KMT5B: variants seen among roughly 807,000 people sequenced by gnomAD.
KMT5B encodes lysine methyltransferase 5B.
KMT5B carries 10 observed loss-of-function variants against 83.2 expected under a neutral mutation model. The ratio of observed to expected loss-of-function variants is 0.12; its 90% CI spans 0.07 to 0.20. KMT5B has a LOEUF of 0.20. KMT5B is among the 10% of genes least tolerant of loss of function. The probability of loss-of-function intolerance (pLI) is 1.00; values close to 1 mark genes in which losing one functional copy is unlikely to be tolerated. For synonymous variants in KMT5B, 349 were observed against 388.8 expected (o/e 0.90, Z 1.20); for missense variants, 753 against 1,067.2 (o/e 0.71, Z 4.10).
chr11:68,163,439 T>C (rs1024928034), intron 10 of KMT5B, among the ~76,000 whole-genome samples: 5 of 152,206 alleles, frequency 3.3e-5, no homozygotes, highest in Non-Finnish European at 5.9e-5. Flanking sequence ...ATTATGGTGT[T>C]GGCCTCAACT....
intron 1 of KMT5B, among the ~76,000 whole-genome samples, chr11:68,204,731 C>T (rs1351551658): frequency 1.3e-5 from 2 of 151,466 alleles, no homozygotes; most frequent in Middle Eastern, 3.4e-3. Context: ...TTTCTCCTGC[C>T]TCAGCCTCCT....
upstream of KMT5B, chr11:68,213,326 C>T (rs1257549674): frequency 6.8e-6 from 1 of 147,960 alleles, no homozygotes; most frequent in Non-Finnish European, 1.5e-5. Context: ...CCGCTCGCTC[C>T]CTCCGCTGAC....
intron 1 of KMT5B, among the ~76,000 whole-genome samples, chr11:68,207,744 T>C (rs1286456178): frequency 6.9e-6 from 1 of 144,062 alleles, no homozygotes; most frequent in Admixed American, 7.0e-5. Context: ...TGAACCAAGA[T>C]CGTGCCACTG....
intron 9 of KMT5B, 110 bp downstream of exon 9, chr11:68,170,905 A>C: frequency 8.2e-7 from 1 of 1,216,082 alleles, no homozygotes; most frequent in Non-Finnish European, 1.1e-6. Context: ...GCTAAAGAAC[A>C]TAAAGACTAT....
intron 10 of KMT5B, among the ~76,000 whole-genome samples, chr11:68,165,009 A>G (rs1262514825): frequency 2.6e-5 from 4 of 152,244 alleles, no homozygotes; most frequent in Non-Finnish European, 1.5e-5. Flanking sequence ...AAATATTAGT[A>G]CACCCAACAT....
intron 3 of KMT5B, among the ~76,000 whole-genome samples, chr11:68,183,205 T>C (rs1343082169): frequency 2.0e-5 from 3 of 149,396 alleles, no homozygotes; most frequent in Admixed American, 1.3e-4. Context: ...CACATTCACA[T>C]TTCTTAACTC....
At position 68,156,385 on chromosome 11, in the gene KMT5B, T is replaced by C. The variant is rs1390327129; in HGVS notation, c.*1303A>G. Reference sequence around the variant, plus strand: ...AGTAATAAAAATTTGCTCATTAAGTTAATTAAAATTAATTTCTCAAAGTGC... The same window carrying C: ...AGTAATAAAAATTTGCTCATTAAGTCAATTAAAATTAATTTCTCAAAGTGC... On this transcript the variant is annotated 3_prime_UTR_variant, in exon 11 of 11. Coordinates refer to ENST00000304363, the MANE Select transcript of KMT5B (RefSeq NM_017635.5). The C allele has an allele frequency of 1.3e-5, 2 of 152,596 alleles. No homozygotes were observed. Among genetic ancestry groups the C allele is most frequent in the Non-Finnish European group, 2.9e-5 (2 of 68,040 alleles). The allele number at this position is 152,596 out of a possible 1,614,324, so 9.5% of individuals were successfully genotyped here.
At chr11:68,205,150 A>C (rs1048816003) in intron 1 of KMT5B, among the ~76,000 whole-genome samples, 4 of 152,006 alleles carry the variant, frequency 2.6e-5, no homozygotes, top group Admixed American at 1.3e-4. Flanking sequence ...TCTACCAAAA[A>C]AAAAAACAAA....
chr11:68,176,462 AG>A (rs1383377540), intron 4 of KMT5B: 25 of 152,172 alleles, frequency 1.6e-4, no homozygotes, highest in African/African-American at 5.8e-4. Context: ...TTTAAAAAAA[AG>A]TTTTATTTTA....
intron 1 of KMT5B, among the ~76,000 whole-genome samples, chr11:68,193,790 C>A (rs1462618620): frequency 6.6e-6 from 1 of 151,166 alleles, no homozygotes; most frequent in African/African-American, 2.4e-5. Context: ...TAGAATTGAA[C>A]AGCAGTATAC....
chr11:68,174,152 C>T (rs1222942733), intron 5 of KMT5B: 1 of 590,214 alleles, frequency 1.7e-6, no homozygotes, highest in South Asian at 1.5e-5. Context: ...ATGGAAGCTG[C>T]AGTGAGCCAT....
At chr11:68,170,945 T>G in intron 9 of KMT5B, 70 bp downstream of exon 9, 6 of 1,443,100 alleles carry the variant, frequency 4.2e-6, no homozygotes, top group South Asian at 2.8e-5. Flanking sequence ...AGAGATAATG[T>G]GAGTTTAATC....
intron 4 of KMT5B, 128 bp downstream of exon 4, chr11:68,180,004 A>G (rs1856760029): frequency 8.9e-7 from 1 of 1,126,140 alleles, no homozygotes; most frequent in Non-Finnish European, 1.2e-6. Context: ...AACTACTTTA[A>G]AAGGTTTGTA....
At chr11:68,160,174 T>C (rs2153041869) in intron 10 of KMT5B, among the ~76,000 whole-genome samples, 1 of 152,296 alleles carries the variant, frequency 6.6e-6, no homozygotes, top group East Asian at 1.9e-4. Flanking sequence ...GCCTACAAGG[T>C]GGATCGAATA....
chr11:68,181,461 A>G (rs920339555), intron 3 of KMT5B, among the ~76,000 whole-genome samples: 18 of 152,200 alleles, frequency 1.2e-4, no homozygotes, highest in African/African-American at 3.9e-4. Context: ...GAGAAACTAA[A>G]AAGTGACAAA....
Position 68,171,406 on chromosome 11 carries a change from A to C in KMT5B, c.820+137T>G. The C allele has an allele frequency of 3.1e-6, 4 of 1,273,712 alleles. No homozygotes were observed. The East Asian group carries it at 7.3e-5, about 23-fold the overall frequency. The allele number at this position is 1,273,712 out of a possible 1,614,324, so 78.9% of individuals were successfully genotyped here. A position where few individuals can be genotyped will look rare whatever the true frequency, so the allele number is the denominator to read the frequency against. ...AACTAAAGGAATATACATTTATTTT[A>C]ATAAGTTTGTGGAAACATTTCTATT... On this transcript the variant is annotated intron_variant, in intron 7 of 10. Coordinates refer to ENST00000304363, the MANE Select transcript of KMT5B (RefSeq NM_017635.5). The surrounding 1 kb of genome is among the most constrained non-coding windows in gnomAD (Gnocchi z 5.1).
In KMT5B at chr11:68,189,941, C is replaced by T. The variant is rs138431226; in HGVS notation, c.136G>A (p.Ala46Thr). ...GKDTLKAGKN[A>T]VERRSNRCNG... ...CATCTGTTCGACCTCCTCTCGACTGCATTTTTGCCAGCCTTCAGGGTGTCC... is the reference window on the plus strand; with the variant it reads ...CATCTGTTCGACCTCCTCTCGACTGTATTTTTGCCAGCCTTCAGGGTGTCC... The change falls in exon 2 of 11, where the codon GCA becomes ACA. Residue 46 changes from alanine to threonine, a missense_variant. Physicochemically the swap from Ala to Thr is moderately conservative, Grantham distance 58 (BLOSUM62 0). Around this residue, in one of 9 missense-constraint regions of KMT5B, gnomAD observed 56 missense variants for 91.4 expected, o/e 0.61. Coordinates refer to ENST00000304363, the MANE Select transcript of KMT5B (RefSeq NM_017635.5). The T allele has an allele frequency of 6.4e-4, 1,033 of 1,614,172 alleles. 2 individuals are homozygous for T. Among genetic ancestry groups the T allele is most frequent in the African/African-American group, 3.5e-3 (259 of 75,048 alleles).
intron 1 of KMT5B, among the ~76,000 whole-genome samples, chr11:68,190,439 A>G (rs1857908675): frequency 6.6e-6 from 1 of 152,200 alleles, no homozygotes; most frequent in Admixed American, 6.5e-5. Flanking sequence ...AGTTAACTAT[A>G]AAACAGCCCC....
At position 68,197,304 on chromosome 11, in the gene KMT5B, C is replaced by T. The variant is rs112957331; in HGVS notation, c.-76-7152G>A. 3.6e-3 allele frequency among the ~76,000 whole-genome samples: 547 copies of T among 152,262 alleles called. 4 individuals carry two copies. The highest frequency in any genetic ancestry group is 0.013 in the African/African-American group (524 of 41,566). On this transcript the variant is annotated intron_variant, in intron 1 of 10. Coordinates refer to ENST00000304363, the MANE Select transcript of KMT5B (RefSeq NM_017635.5). Reference sequence around the variant, plus strand: ...AGTCTTTAAGTCCCAACCAAGATGTCTACTTGAGAGAAAGCAGAAAATTTG... The same window carrying T: ...AGTCTTTAAGTCCCAACCAAGATGTTTACTTGAGAGAAAGCAGAAAATTTG...
Sources: allele counts gnomAD v4.1 joint callset (sites outside exome capture counted in the v4.1 genomes callset), GRCh38; gene constraint gnomAD v4.1.1; regional missense constraint gnomAD v4.1.1; non-coding constraint Gnocchi (gnomAD v3.1); transcripts MANE v1.5; gene names NCBI Gene and HGNC (gene_info 2026-07-23, HGNC 2026-07-21).